Variants in MINDY2 observed in about 807,000 individuals in gnomAD.
The protein encoded by MINDY2 is ubiquitin carboxyl-terminal hydrolase MINDY-2.
Under a neutral mutation model 68.2 loss-of-function variants are expected in MINDY2, and 52 were observed. That is an observed-to-expected ratio of 0.76 (90% CI 0.61 to 0.96). MINDY2 has a LOEUF of 0.96. Ranked by LOEUF, MINDY2 falls within the 40% of genes least tolerant of loss-of-function variation. The pLI is 0.00. For missense variants in MINDY2, 881 were observed against 773.4 expected (o/e 1.14, Z -1.65); for synonymous variants, 372 against 303.0 (o/e 1.23, Z -2.36).
intron 2 of MINDY2, among the ~76,000 whole-genome samples, chr15:58,790,023 C>T (rs1166877629): frequency 6.6e-6 from 1 of 152,128 alleles, no homozygotes; most frequent in African/African-American, 2.4e-5. Flanking sequence ...AAGCGATCCT[C>T]CCACCTTGGC....
At chr15:58,775,955 C>T (rs1019950612) in intron 1 of MINDY2, among the ~76,000 whole-genome samples, 9 of 151,270 alleles carry the variant, frequency 5.9e-5, no homozygotes, top group Admixed American at 2.6e-4. Flanking sequence ...CTCTGCCTCC[C>T]GGGTTCAAGT....
intron 5 of MINDY2, among the ~76,000 whole-genome samples, chr15:58,826,471 C>T (rs528460022): frequency 7.9e-5 from 12 of 152,010 alleles, no homozygotes; most frequent in East Asian, 3.8e-4. Flanking sequence ...TCAGGTGATC[C>T]GCCCGCCTTG....
intron 5 of MINDY2, among the ~76,000 whole-genome samples, chr15:58,831,015 TTGTGTGTG>T (rs369645565): frequency 7.5e-6 from 1 of 133,754 alleles, no homozygotes; most frequent in African/African-American, 3.1e-5. Flanking sequence ...TGAAGATCAG[TTGTGTGTG>T]TGTGTGTGTG....
rs11335033 is a variant in MINDY2, at chr15:58,846,595, C to CA, written c.1369-682dup. The stretch of plus-strand genomic sequence containing the variant: ...GCCTGGATGACAAAGTGAGACTCCT[C>CA]AAAAAAAAAAAAAAAAAAAATCTCA... On this transcript the variant is annotated intron_variant, in intron 6 of 8. Transcript: ENST00000559228. 6.4e-3 allele frequency among the ~76,000 whole-genome samples: 631 copies of CA among 98,200 alleles called. 5 individuals carry two copies. The highest frequency in any genetic ancestry group is 0.024 in the East Asian group (85 of 3,486). The allele number at this position is 98,200 out of a possible 152,430, so 64.4% of individuals were successfully genotyped here.
At chr15:58,843,277 G>A (rs1300592953) in intron 6 of MINDY2, among the ~76,000 whole-genome samples, 1 of 152,006 alleles carries the variant, frequency 6.6e-6, no homozygotes, top group Admixed American at 6.6e-5. Flanking sequence ...AGCCTCCTGA[G>A]TAGCTGAGAC....
At chr15:58,789,319 C>T (rs1315719596) in intron 2 of MINDY2, among the ~76,000 whole-genome samples, 1 of 151,984 alleles carries the variant, frequency 6.6e-6, no homozygotes, top group Non-Finnish European at 1.5e-5. Context: ...GCCTGGGCAA[C>T]AGAGCGAGAC....
intron 6 of MINDY2, among the ~76,000 whole-genome samples, chr15:58,844,177 G>C (rs1262514108): frequency 2.0e-5 from 3 of 152,106 alleles, no homozygotes; most frequent in Non-Finnish European, 4.4e-5. Flanking sequence ...AGGATCAGAT[G>C]GGCCTAAACT....
At position 58,821,881 on chromosome 15, in the gene MINDY2, C is replaced by A. The variant is rs1431998314; in HGVS notation, c.1225+62C>A. On this transcript the variant is annotated intron_variant, in intron 5 of 8. Coordinates refer to ENST00000559228, the MANE Select transcript of MINDY2 (RefSeq NM_001040450.3). ...CTTGGCAAGATAATTTTTCTTATAA[C>A]TTAATATCTTTCAAATTTCTTAAAT... is the stretch of plus-strand genomic sequence containing the variant. The A allele has an allele frequency of 9.3e-6, 10 of 1,074,400 alleles. No homozygotes were observed. In the East Asian group the frequency reaches 2.6e-4, roughly 28 times the overall value. The allele number at this position is 1,074,400 out of a possible 1,614,324, so 66.6% of individuals were successfully genotyped here.
At chr15:58,817,420 A>T (rs962654120) in intron 4 of MINDY2, among the ~76,000 whole-genome samples, 1 of 152,224 alleles carries the variant, frequency 6.6e-6, no homozygotes, top group Admixed American at 6.5e-5. Flanking sequence ...AGACTGGCTA[A>T]CATTTAAAAG....
chr15:58,818,823 T>C (rs2030874087), intron 4 of MINDY2, among the ~76,000 whole-genome samples: 1 of 151,674 alleles, frequency 6.6e-6, no homozygotes, highest in Admixed American at 6.6e-5. Context: ...GTATTTTTTG[T>C]AGAGATGGGG....
chr15:58,822,251 CAAA>C (rs1396696177), intron 5 of MINDY2, among the ~76,000 whole-genome samples: 2 of 127,448 alleles, frequency 1.6e-5, no homozygotes, highest in Non-Finnish European at 1.7e-5. Flanking sequence ...GACTCTGTAT[CAAA>C]AAAAAAAAAA....
chr15:58,816,034 T>C (rs1169275730), intron 4 of MINDY2, among the ~76,000 whole-genome samples: 1 of 152,214 alleles, frequency 6.6e-6, no homozygotes, highest in Non-Finnish European at 1.5e-5. Context: ...AATATAGGTT[T>C]TATAAGGGCT....
chr15:58,803,013 G>A (rs1902768000), intron 3 of MINDY2, among the ~76,000 whole-genome samples: 1 of 152,206 alleles, frequency 6.6e-6, no homozygotes, highest in Admixed American at 6.5e-5. Flanking sequence ...AGCCAGGGAA[G>A]AAAGAGACAT....
chr15:58,787,822 A>AT (rs1287330413), intron 1 of MINDY2, 84 bp from the exon 2 acceptor site: 1 of 803,472 alleles, frequency 1.2e-6, no homozygotes, highest in Non-Finnish European at 2.0e-6. Context: ...ATAATTAGAC[A>AT]TAAGTATTTG....
intron 5 of MINDY2, among the ~76,000 whole-genome samples, chr15:58,826,472 G>A (rs907135140): frequency 1.3e-4 from 20 of 151,868 alleles, no homozygotes; most frequent in Non-Finnish European, 2.4e-4. Context: ...CAGGTGATCC[G>A]CCCGCCTTGG....
At chr15:58,841,407 CTT>C (rs143550992) in intron 6 of MINDY2, among the ~76,000 whole-genome samples, 32 of 136,664 alleles carry the variant, frequency 2.3e-4, no homozygotes, top group Admixed American at 3.7e-4. Flanking sequence ...CCTTTCTTTT[CTT>C]TTTTTTTTTT....
chr15:58,843,561 G>A (rs7178955), intron 6 of MINDY2, among the ~76,000 whole-genome samples: 85,054 of 151,934 alleles, frequency 0.56, 25,313 homozygotes, highest in Middle Eastern at 0.73. Context: ...ATTCTGTCCA[G>A]AAATACCCTC....
At chr15:58,778,176 A>C (rs1245792249) in intron 1 of MINDY2, among the ~76,000 whole-genome samples, 1 of 152,190 alleles carries the variant, frequency 6.6e-6, no homozygotes, top group African/African-American at 2.4e-5. Flanking sequence ...ACATACATAC[A>C]AAAAACTTAC....
At chr15:58,772,483 A>C (rs763076924) in intron 1 of MINDY2, among the ~76,000 whole-genome samples, 6 of 152,236 alleles carry the variant, frequency 3.9e-5, no homozygotes, top group Non-Finnish European at 7.3e-5. Flanking sequence ...TGGTTGATAC[A>C]CTTAGAAACA....
Sources: gnomAD v4.1 joint callset for allele counts (sites outside exome capture counted in the v4.1 genomes callset) on GRCh38, gnomAD v4.1.1 for gene constraint, MANE v1.5 for transcripts, NCBI Gene and HGNC (gene_info 2026-07-23, HGNC 2026-07-21) for gene names.